CNTN5: variants seen among roughly 807,000 people sequenced by gnomAD.
The protein encoded by CNTN5 is contactin 5.
In CNTN5, 77 loss-of-function variants were observed where a neutral mutation model predicts 129.1. The ratio of observed to expected loss-of-function variants is 0.60; its 90% CI spans 0.50 to 0.72. The LOEUF is 0.72. Among genes scored for constraint, CNTN5 ranks in the 30% least tolerant of loss-of-function variants. The pLI, the probability that CNTN5 is intolerant of heterozygous loss-of-function variation, is 0.00. For missense variants in CNTN5, 1,478 were observed against 1,328.8 expected (o/e 1.11, Z -1.75); for synonymous variants, 509 against 465.6 (o/e 1.09, Z -1.20).
intron 13 of CNTN5, among the ~76,000 whole-genome samples, chr11:100,102,876 T>C (rs959073184): frequency 6.6e-6 from 1 of 152,126 alleles, no homozygotes; most frequent in Non-Finnish European, 1.5e-5. Flanking sequence ...AAATGGATTC[T>C]TCCTCTAACT....
chr11:99,153,722 G>A (rs1467396104), intron 1 of CNTN5, among the ~76,000 whole-genome samples: 1 of 151,100 alleles, frequency 6.6e-6, no homozygotes, highest in Non-Finnish European at 1.5e-5. Flanking sequence ...AGACACTCAG[G>A]ATTTTTGAGT....
rs945535957 is a variant in CNTN5, at chr11:100,339,469, C to T, written c.2731-994C>T. Among the ~76,000 whole-genome samples the T allele has an allele frequency of 5.3e-5, 8 of 152,108 alleles. No individual in the cohort carries two copies. In the South Asian group the frequency reaches 1.7e-3, roughly 32 times the overall value. On this transcript the variant is annotated intron_variant, in intron 21 of 24. Coordinates refer to ENST00000524871, the MANE Select transcript of CNTN5 (RefSeq NM_014361.4). The stretch of plus-strand genomic sequence containing the variant: ...GCTTCTGACTGATAGTGGGATGTTT[C>T]TCTGCACAGGACGGTGGGGGTGGGC...
At chr11:100,025,464 G>A (rs12279081) in intron 9 of CNTN5, among the ~76,000 whole-genome samples, 5,743 of 152,208 alleles carry the variant, frequency 0.038, 366 homozygotes, top group African/African-American at 0.13. Context: ...GTCCCCACTG[G>A]GGCACTGCCT....
rs535882248 is a variant in CNTN5, at chr11:99,531,239, A to G, written c.-70-24906A>G. ...TTGTTTTAGCAGAGAGACTGGCAGC[A>G]TTTGCCCCTGCCATAGAGATTTGCG... On this transcript the variant is annotated intron_variant, in intron 2 of 24. Coordinates refer to ENST00000524871, the MANE Select transcript of CNTN5 (RefSeq NM_014361.4). 4.6e-5 allele frequency among the ~76,000 whole-genome samples: 7 copies of G among 152,306 alleles called. No individual in the cohort carries two copies. In the East Asian group the frequency reaches 5.8e-4, roughly 13 times the overall value.
At chr11:99,849,617 A>G (rs1438365512) in intron 6 of CNTN5, among the ~76,000 whole-genome samples, 1 of 152,098 alleles carries the variant, frequency 6.6e-6, no homozygotes, top group Non-Finnish European at 1.5e-5. Context: ...TAGGTAGGAT[A>G]ACATTATTGC....
intron 2 of CNTN5, among the ~76,000 whole-genome samples, chr11:99,439,067 C>T (rs747702126): frequency 6.6e-5 from 10 of 152,170 alleles, no homozygotes; most frequent in East Asian, 3.9e-4. Context: ...TTTATCTTTT[C>T]GATAGAGTGA....
chr11:99,657,281 C>T (rs150648316), intron 3 of CNTN5, among the ~76,000 whole-genome samples: 1 of 152,038 alleles, frequency 6.6e-6, no homozygotes, highest in Admixed American at 6.6e-5. Context: ...TCACAAAAAG[C>T]ACATAATGGA....
intron 18 of CNTN5, among the ~76,000 whole-genome samples, chr11:100,287,356 A>T (rs1950821412): frequency 6.6e-6 from 1 of 150,898 alleles, no homozygotes; most frequent in Non-Finnish European, 1.5e-5. Flanking sequence ...GCAGCCAGAG[A>T]GAAAGGTCGG....
intron 3 of CNTN5, among the ~76,000 whole-genome samples, chr11:99,620,508 C>CTT (rs71050006): frequency 3.0e-4 from 32 of 106,920 alleles, no homozygotes; most frequent in South Asian, 6.0e-4. Flanking sequence ...TTTTTCTTTT[C>CTT]TTTTTTTTTT....
At chr11:100,158,025 G>A (rs1212234562) in intron 13 of CNTN5, among the ~76,000 whole-genome samples, 1 of 151,596 alleles carries the variant, frequency 6.6e-6, no homozygotes. Context: ...AAGAGAGAAG[G>A]AAAGGAAAAG....
At chr11:99,742,720 C>T (rs980440548) in intron 3 of CNTN5, among the ~76,000 whole-genome samples, 1 of 152,142 alleles carries the variant, frequency 6.6e-6, no homozygotes, top group African/African-American at 2.4e-5. Flanking sequence ...TACGCTGGAT[C>T]CTAAAATCTG....
intron 9 of CNTN5, among the ~76,000 whole-genome samples, chr11:100,039,254 C>A (rs1209658200): frequency 6.6e-6 from 1 of 152,100 alleles, no homozygotes; most frequent in South Asian, 2.1e-4. Flanking sequence ...ATATGAAATT[C>A]TAGGTTGAAA....
intron 3 of CNTN5, among the ~76,000 whole-genome samples, chr11:99,770,604 G>A (rs1944911116): frequency 6.6e-6 from 1 of 151,772 alleles, no homozygotes; most frequent in Non-Finnish European, 1.5e-5. Flanking sequence ...GTCTTTATTT[G>A]TGTCTTTTTG....
chr11:100,068,142 G>A (rs1241899649), intron 10 of CNTN5, among the ~76,000 whole-genome samples: 1 of 152,046 alleles, frequency 6.6e-6, no homozygotes, highest in Admixed American at 6.6e-5. Flanking sequence ...GTTATTATAG[G>A]TAGGACACTG....
chr11:99,269,535 T>G (rs1863075044), intron 1 of CNTN5, among the ~76,000 whole-genome samples: 1 of 151,902 alleles, frequency 6.6e-6, no homozygotes, highest in African/African-American at 2.4e-5. Flanking sequence ...GATCTTGTAC[T>G]ATGCGTGTGG....
chr11:99,711,595 C>A (rs1238705605), intron 3 of CNTN5, among the ~76,000 whole-genome samples: 1 of 151,668 alleles, frequency 6.6e-6, no homozygotes, highest in African/African-American at 2.4e-5. Flanking sequence ...GCCCATCATT[C>A]ACGTTAGGTA....
chr11:99,984,370 GAAGAA>G (rs1938540130), intron 8 of CNTN5, among the ~76,000 whole-genome samples: 1 of 151,484 alleles, frequency 6.6e-6, no homozygotes, highest in African/African-American at 2.4e-5. Flanking sequence ...GAAAGGAAAG[GAAGAA>G]AAGAAAGAAA....
At chr11:99,153,153 G>C (rs1401516999) in intron 1 of CNTN5, among the ~76,000 whole-genome samples, 1 of 152,004 alleles carries the variant, frequency 6.6e-6, no homozygotes, top group African/African-American at 2.4e-5. Flanking sequence ...TATCTCATAG[G>C]GATTCTCTGC....
chr11:99,796,771 T>C (rs576801582), intron 3 of CNTN5, among the ~76,000 whole-genome samples: 94 of 152,168 alleles, frequency 6.2e-4, no homozygotes, highest in Non-Finnish European at 8.8e-4. Flanking sequence ...TGGACATCCC[T>C]GGCTGAGCTT....
Sources: gnomAD v4.1 joint callset for allele counts (sites outside exome capture counted in the v4.1 genomes callset) on GRCh38, gnomAD v4.1.1 for gene constraint, MANE v1.5 for transcripts, NCBI Gene and HGNC (gene_info 2026-07-23, HGNC 2026-07-21) for gene names.